Variants in DAB1 observed in about 807,000 individuals in gnomAD.
DAB1 encodes DAB adaptor protein 1.
In DAB1, 15 loss-of-function variants were observed where a neutral mutation model predicts 64.6. That is an observed-to-expected ratio of 0.23 (90% CI 0.16 to 0.36). The LOEUF is 0.36. DAB1 is among the 10% of genes least tolerant of loss of function. DAB1 has a pLI of 1.00. For synonymous variants in DAB1, 235 were observed against 251.9 expected, an observed-to-expected ratio of 0.93 and a Z score of 0.64; for missense variants, 596 against 706.7, an observed-to-expected ratio of 0.84 and a Z score of 1.78.
chr1:57,899,091 T>C (rs1411643383), intron 5 of DAB1, among the ~76,000 whole-genome samples: 2 of 152,162 alleles, frequency 1.3e-5, no homozygotes, highest in African/African-American at 4.8e-5. Context: ...AATGGGTTTT[T>C]TCATATGTAG....
intron 7 of DAB1, among the ~76,000 whole-genome samples, chr1:57,554,475 T>C (rs1249415968): frequency 6.6e-6 from 1 of 152,122 alleles, no homozygotes; most frequent in Non-Finnish European, 1.5e-5. Context: ...CACTAACTTG[T>C]TTGTGTTGTT....
chr1:57,711,116 C>T (rs377071188), intron 6 of DAB1, among the ~76,000 whole-genome samples: 11 of 152,186 alleles, frequency 7.2e-5, no homozygotes. Flanking sequence ...TATCTCTACA[C>T]CTTAGCAGAA....
intron 7 of DAB1, among the ~76,000 whole-genome samples, chr1:57,566,569 C>T (rs924702188): frequency 9.2e-5 from 14 of 151,860 alleles, no homozygotes; most frequent in East Asian, 1.9e-4. Context: ...ATCAAATAGA[C>T]GCAATAAAAA....
intron 3 of DAB1, among the ~76,000 whole-genome samples, chr1:57,139,668 G>T (rs1252192926): frequency 6.6e-6 from 1 of 152,090 alleles, no homozygotes; most frequent in Non-Finnish European, 1.5e-5. Context: ...TTCCAAAACA[G>T]TCCTAACAGC....
intron 1 of DAB1, among the ~76,000 whole-genome samples, chr1:57,341,111 A>C (rs967462872): frequency 6.6e-6 from 1 of 152,192 alleles, no homozygotes; most frequent in African/African-American, 2.4e-5. Context: ...ATTGGAACCC[A>C]AAGAAATCAT....
At chr1:58,116,740 T>A (rs1270062490) in intron 5 of DAB1, among the ~76,000 whole-genome samples, 1 of 152,220 alleles carries the variant, frequency 6.6e-6, no homozygotes. Context: ...TTTTTCACTC[T>A]ATAATTCAGT....
intron 5 of DAB1, among the ~76,000 whole-genome samples, chr1:58,042,662 G>T (rs901452626): frequency 6.6e-6 from 1 of 152,154 alleles, no homozygotes; most frequent in African/African-American, 2.4e-5. Flanking sequence ...GGATACTCTA[G>T]CGGGGACAGC....
chr1:57,951,607 G>A (rs1006055557), intron 5 of DAB1, among the ~76,000 whole-genome samples: 1 of 151,990 alleles, frequency 6.6e-6, no homozygotes, highest in African/African-American at 2.4e-5. Context: ...CAGAGTATTA[G>A]TTTCCTCCTC....
chr1:57,472,467 GC>G (rs1487772300), intron 7 of DAB1, among the ~76,000 whole-genome samples: 1 of 152,196 alleles, frequency 6.6e-6, no homozygotes, highest in Non-Finnish European at 1.5e-5. Context: ...ACAGCCTGGC[GC>G]CACACAATGG....
At chr1:58,267,925 T>G (rs1661212477) in intron 4 of DAB1, among the ~76,000 whole-genome samples, 1 of 152,188 alleles carries the variant, frequency 6.6e-6, no homozygotes, top group African/African-American at 2.4e-5. Flanking sequence ...TTGTCATTCC[T>G]GGCTTGTATG....
chr1:57,218,505 C>T (rs892278816), intron 2 of DAB1, among the ~76,000 whole-genome samples: 2 of 124,036 alleles, frequency 1.6e-5, no homozygotes, highest in Non-Finnish European at 3.3e-5. Flanking sequence ...CATAGTGAGA[C>T]CCCCATCTCT....
At chr1:58,461,680 T>A (rs1645243729) in intron 3 of DAB1, among the ~76,000 whole-genome samples, 1 of 152,150 alleles carries the variant, frequency 6.6e-6, no homozygotes, top group South Asian at 2.1e-4. Flanking sequence ...AGATGAACAA[T>A]GGTGGTTCTA....
At chr1:57,954,052 C>T (rs1341833607) in intron 5 of DAB1, among the ~76,000 whole-genome samples, 2 of 152,128 alleles carry the variant, frequency 1.3e-5, no homozygotes, top group African/African-American at 4.8e-5. Flanking sequence ...ACCATCTGTT[C>T]CTTGCCAGGA....
intron 3 of DAB1, among the ~76,000 whole-genome samples, chr1:58,414,973 C>G (rs987573310): frequency 1.3e-5 from 2 of 152,034 alleles, no homozygotes; most frequent in African/African-American, 4.8e-5. Context: ...GGCTGTAATA[C>G]TTGGTATTAT....
chr1:58,392,157 G>T (rs891208301), intron 3 of DAB1, among the ~76,000 whole-genome samples: 1 of 152,180 alleles, frequency 6.6e-6, no homozygotes, highest in Non-Finnish European at 1.5e-5. Flanking sequence ...AGGAAGAAGA[G>T]CTAAGCGCAG....
At chr1:57,765,531 A>G (rs761678444) in intron 6 of DAB1, among the ~76,000 whole-genome samples, 12 of 152,234 alleles carry the variant, frequency 7.9e-5, no homozygotes, top group Middle Eastern at 3.4e-3. Flanking sequence ...ACGTGAAAGC[A>G]TATCTAGGGG....
chr1:57,797,011 A>G (rs1017392300), intron 6 of DAB1, among the ~76,000 whole-genome samples: 1 of 152,206 alleles, frequency 6.6e-6, no homozygotes, highest in Non-Finnish European at 1.5e-5. Flanking sequence ...CACTCACTGC[A>G]GGTTCCTGTG....
In DAB1 at chr1:57,757,220, T is replaced by TTTTG. The variant is rs200688727; in HGVS notation, n.552-107556_552-107555insCAAA. On this transcript the variant is annotated intron_variant and non_coding_transcript_variant, in intron 6 of 20. Coordinates refer to the DAB1 transcript ENST00000485760. ...AGAATTTTTTTTTTTTTTTTTTTTT[T>TTTTG]AGCAGCAATGATGGAGGCTAACAGC... Among the ~76,000 whole-genome samples the TTTTG allele has an allele frequency of 3.9e-3, 469 of 120,156 alleles. 31 individuals carry two copies. Among genetic ancestry groups the TTTTG allele is most frequent in the African/African-American group, 0.011 (398 of 36,286 alleles). The allele number at this position is 120,156 out of a possible 152,430, so 78.8% of individuals were successfully genotyped here. A position where few individuals can be genotyped will look rare whatever the true frequency, so the allele number is the denominator to read the frequency against.
chr1:58,487,351 T>G (rs970989929), intron 3 of DAB1, among the ~76,000 whole-genome samples: 1 of 152,256 alleles, frequency 6.6e-6, no homozygotes, highest in African/African-American at 2.4e-5. Flanking sequence ...TGAGGATAAT[T>G]AACTTGCTCA....
Sources: allele counts gnomAD v4.1 joint callset (sites outside exome capture counted in the v4.1 genomes callset), GRCh38; gene constraint gnomAD v4.1.1; transcripts MANE v1.5; gene names NCBI Gene and HGNC (gene_info 2026-07-23, HGNC 2026-07-21).